UPP2: variants seen among roughly 807,000 people sequenced by gnomAD.
UPP2 encodes the protein uridine phosphorylase 2.
UPP2 carries 23 observed loss-of-function variants against 26.7 expected under a neutral mutation model. The observed-to-expected ratio is 0.86, with a 90% confidence interval of 0.62 to 1.22. UPP2 has a LOEUF of 1.22. Among genes scored for constraint, UPP2 ranks in the 50% most tolerant of loss-of-function variants. The probability of loss-of-function intolerance (pLI) is 0.00; values close to 1 mark genes in which losing one functional copy is unlikely to be tolerated. For missense variants in UPP2, 387 were observed against 396.7 expected (o/e 0.98, Z 0.21); for synonymous variants, 127 against 141.3 (o/e 0.90, Z 0.72).
intron 3 of UPP2, among the ~76,000 whole-genome samples, chr2:158,017,254 AC>A (rs767019429): frequency 1.3e-5 from 2 of 152,132 alleles, no homozygotes; most frequent in Non-Finnish European, 2.9e-5. Context: ...GAGTTGTAAA[AC>A]TTTTATGGAG....
upstream of UPP2, chr2:158,101,826 G>C: frequency 7.8e-7 from 1 of 1,281,374 alleles, no homozygotes; most frequent in Non-Finnish European, 9.8e-7. Context: ...GCTGCTCTGA[G>C]AGCTGGGCTG....
intron 6 of UPP2, among the ~76,000 whole-genome samples, chr2:158,127,125 C>T (rs1386928363): frequency 6.6e-6 from 1 of 152,270 alleles, no homozygotes; most frequent in East Asian, 1.9e-4. Flanking sequence ...ACGTGGATTA[C>T]CACTTATTAT....
intron 2 of UPP2, among the ~76,000 whole-genome samples, chr2:158,003,197 G>A (rs56208040): frequency 6.6e-6 from 1 of 151,996 alleles, no homozygotes; most frequent in African/African-American, 2.4e-5. Context: ...AAGGACTTTT[G>A]TGTTGGTGGA....
chr2:158,125,076 A>T (rs151030558), intron 6 of UPP2, among the ~76,000 whole-genome samples: 7 of 152,326 alleles, frequency 4.6e-5, no homozygotes, highest in Non-Finnish European at 7.4e-5. Context: ...GAGACCAAGG[A>T]GGAGTGGCCC....
At position 158,105,358 on chromosome 2, in the gene UPP2, G is replaced by A. The variant is rs188356386; in HGVS notation, c.63-741G>A. On this transcript the variant is annotated intron_variant, in intron 1 of 6. Coordinates refer to ENST00000005756, the MANE Select transcript of UPP2 (RefSeq NM_173355.4). ...ACTGCCGTGATGGGGGTTTGAGCCA[G>A]GGCCATGGCCAGTGGGGTAGAAAGA... Among the ~76,000 whole-genome samples, 84 of 152,276 alleles carry A rather than the reference G, an allele frequency of 5.5e-4. 1 individual carries two copies. The highest frequency in any genetic ancestry group is 2.2e-3 in the Admixed American group (33 of 15,302).
chr2:158,001,644 G>T (rs112136585), intron 2 of UPP2, among the ~76,000 whole-genome samples: 5 of 152,050 alleles, frequency 3.3e-5, no homozygotes, highest in African/African-American at 1.2e-4. Flanking sequence ...CATCAAGCAC[G>T]CCCTAGATCT....
chr2:158,023,238 G>GGGGA (rs1474140453), intron 3 of UPP2, among the ~76,000 whole-genome samples: 1 of 139,362 alleles, frequency 7.2e-6, no homozygotes, highest in South Asian at 2.7e-4. Context: ...GTTGGGGGGG[G>GGGGA]GCATTTGGAA....
chr2:158,108,926 G>A (rs1046761946), intron 2 of UPP2, among the ~76,000 whole-genome samples: 2 of 150,600 alleles, frequency 1.3e-5, no homozygotes, highest in African/African-American at 4.9e-5. Context: ...GTGTGTGTGT[G>A]TGTGTGTTTG....
chr2:158,134,222 C>T (rs1020456762), intron 6 of UPP2, among the ~76,000 whole-genome samples: 1 of 152,142 alleles, frequency 6.6e-6, no homozygotes, highest in African/African-American at 2.4e-5. Context: ...CCAGTACTCA[C>T]GTTTATTGGT....
At chr2:158,013,579 A>T (rs1433614945) in intron 2 of UPP2, among the ~76,000 whole-genome samples, 2 of 152,212 alleles carry the variant, frequency 1.3e-5, no homozygotes, top group Non-Finnish European at 1.5e-5. Context: ...GCAAAACCTC[A>T]GGTTGGGAAG....
chr2:158,038,080 TA>T (rs1403507079), intron 3 of UPP2, among the ~76,000 whole-genome samples: 1 of 152,236 alleles, frequency 6.6e-6, no homozygotes, highest in Admixed American at 6.5e-5. Context: ...AACAGTCGCC[TA>T]AAAGACAAAG....
chr2:158,099,084 G>A (rs1683031595), upstream of UPP2, among the ~76,000 whole-genome samples: 2 of 152,166 alleles, frequency 1.3e-5, no homozygotes, highest in Non-Finnish European at 1.5e-5. Context: ...TAGTATATGT[G>A]TTTTAACATA....
chr2:158,078,105 T>C (rs1682659682), intron 3 of UPP2, among the ~76,000 whole-genome samples: 1 of 152,058 alleles, frequency 6.6e-6, no homozygotes, highest in Admixed American at 6.6e-5. Flanking sequence ...CCAATAAAAA[T>C]GGCTTTTATT....
rs749243693 is a variant in UPP2, at chr2:158,122,578, TTAAA to T, written c.664+961_664+964del. 9.1e-4 allele frequency among the ~76,000 whole-genome samples: 138 copies of T among 152,272 alleles called. 1 individual carries two copies. Among genetic ancestry groups the T allele is most frequent in the Non-Finnish European group, 1.7e-3 (118 of 67,978 alleles). ...AGCAGAATTTGCAAATGGAAGCTTG[TTAAA>T]GTCAATGTTTCCTTTGGCCTGCACA... On this transcript the variant is annotated intron_variant, in intron 5 of 6. Coordinates refer to ENST00000005756, the MANE Select transcript of UPP2 (RefSeq NM_173355.4).
chr2:157,999,476 C>A (rs115712334), intron 2 of UPP2, among the ~76,000 whole-genome samples: 1 of 152,208 alleles, frequency 6.6e-6, no homozygotes, highest in Admixed American at 6.5e-5. Context: ...CCTCACCCAG[C>A]CTATTTGGGT....
intron 3 of UPP2, among the ~76,000 whole-genome samples, chr2:158,086,733 G>A (rs988128395): frequency 2.0e-5 from 3 of 152,128 alleles, no homozygotes; most frequent in Non-Finnish European, 2.9e-5. Flanking sequence ...TTTCCATCTT[G>A]ATTTCATTGT....
intron 2 of UPP2, chr2:157,995,323 T>G: frequency 1.3e-6 from 2 of 1,550,980 alleles, no homozygotes; most frequent in Non-Finnish European, 1.8e-6. Flanking sequence ...ATATTCCAAG[T>G]CTCAGTACAA....
At chr2:158,110,921 T>G (rs561886591) in intron 2 of UPP2, among the ~76,000 whole-genome samples, 2 of 152,332 alleles carry the variant, frequency 1.3e-5, no homozygotes, top group Non-Finnish European at 2.9e-5. Context: ...CTTTGTCAGA[T>G]AAGTAGATTG....
rs372564214 is a variant in UPP2 at position 158,003,856 on chromosome 2, G to T, written c.61+8597G>T. On this transcript the variant is annotated intron_variant, in intron 2 of 9. Coordinates refer to the UPP2 transcript ENST00000605860. ...AAAATGTACACATGTATATGCTTGT[G>T]TGTGTGTATGTGTATTTTGCATGTT... 1.4e-4 allele frequency among the ~76,000 whole-genome samples: 22 copies of T among 152,284 alleles called. 1 individual carries two copies. Among genetic ancestry groups the T allele is most frequent in the Admixed American group, 9.2e-4 (14 of 15,288 alleles).
Sources: gnomAD v4.1 joint callset for allele counts (sites outside exome capture counted in the v4.1 genomes callset) on GRCh38, gnomAD v4.1.1 for gene constraint, MANE v1.5 for transcripts, NCBI Gene and HGNC (gene_info 2026-07-23, HGNC 2026-07-21) for gene names.